ANO3: variants seen among roughly 807,000 people sequenced by gnomAD.
ANO3 encodes anoctamin-3.
ANO3 carries 99 observed loss-of-function variants against 144.8 expected under a neutral mutation model. That is an observed-to-expected ratio of 0.68 (90% CI 0.58 to 0.81). The LOEUF is 0.81. Among genes scored for constraint, ANO3 ranks in the 30% least tolerant of loss-of-function variants. The pLI, the probability that ANO3 is intolerant of heterozygous loss-of-function variation, is 0.00. For missense variants in ANO3, 905 were observed against 1,202.2 expected, an observed-to-expected ratio of 0.75 and a Z score of 3.66; for synonymous variants, 414 against 392.6, an observed-to-expected ratio of 1.05 and a Z score of -0.64.
At chr11:26,234,015 G>A (rs1852461067) in intron 1 of ANO3, among the ~76,000 whole-genome samples, 2 of 152,196 alleles carry the variant, frequency 1.3e-5, no homozygotes, top group South Asian at 4.1e-4. Flanking sequence ...AAACCTAGAT[G>A]ACAGGTTGAT....
At chr11:26,224,807 G>A (rs1373025261) in intron 1 of ANO3, among the ~76,000 whole-genome samples, 1 of 152,180 alleles carries the variant, frequency 6.6e-6, no homozygotes, top group Non-Finnish European at 1.5e-5. Flanking sequence ...CTTCAGCAAT[G>A]TATGCTGGGC....
chr11:26,235,594 CTT>C (rs55765741), intron 1 of ANO3, among the ~76,000 whole-genome samples: 267 of 139,720 alleles, frequency 1.9e-3, no homozygotes, highest in African/African-American at 6.3e-3. Context: ...ACAATGTATA[CTT>C]TTTTTTTTTT....
intron 1 of ANO3, among the ~76,000 whole-genome samples, chr11:26,263,869 A>T (rs1345592182): frequency 6.6e-6 from 1 of 152,234 alleles, no homozygotes; most frequent in East Asian, 1.9e-4. Flanking sequence ...GGTTCCTATA[A>T]AGACTAATAT....
At chr11:26,284,970 G>T (rs934316273) in intron 1 of ANO3, among the ~76,000 whole-genome samples, 1 of 152,142 alleles carries the variant, frequency 6.6e-6, no homozygotes, top group Non-Finnish European at 1.5e-5. Context: ...GTGGATATTT[G>T]GCATAGGTGA....
intron 1 of ANO3, among the ~76,000 whole-genome samples, chr11:26,432,358 C>A (rs1312628009): frequency 6.6e-6 from 1 of 152,124 alleles, no homozygotes; most frequent in South Asian, 2.1e-4. Context: ...CCTATGTAGG[C>A]TGTCTGTTTA....
In ANO3 at chr11:26,512,229, C is replaced by A. The variant is rs183956344; in HGVS notation, c.591+3967C>A. Reference sequence around the variant, plus strand: ...CTTTCCACCCTGTGCTAACAATTTGCAGAGTGACTTTGTAAAAACGTAATT... The same window carrying A: ...CTTTCCACCCTGTGCTAACAATTTGAAGAGTGACTTTGTAAAAACGTAATT... On this transcript the variant is annotated intron_variant, in intron 5 of 26. Transcript: ENST00000256737. 5.1e-3 allele frequency among the ~76,000 whole-genome samples: 783 copies of A among 152,272 alleles called. 1 individual carries two copies. Among genetic ancestry groups the A allele is most frequent in the Middle Eastern group, 0.014 (4 of 294 alleles).
chr11:26,455,622 A>T (rs1291419892), intron 3 of ANO3, among the ~76,000 whole-genome samples: 1 of 152,222 alleles, frequency 6.6e-6, no homozygotes, highest in Non-Finnish European at 1.5e-5. Context: ...AGGAAGAATC[A>T]ATATTGTGAA....
intron 4 of ANO3, among the ~76,000 whole-genome samples, chr11:26,472,979 A>C (rs1278071474): frequency 6.6e-6 from 1 of 151,954 alleles, no homozygotes; most frequent in Non-Finnish European, 1.5e-5. Flanking sequence ...GACTTCTTGC[A>C]TGATGCAAAC....
At chr11:26,460,422 G>A (rs1299112124) in intron 3 of ANO3, among the ~76,000 whole-genome samples, 2 of 45,546 alleles carry the variant, frequency 4.4e-5, no homozygotes, top group Non-Finnish European at 5.6e-5. Context: ...AGAAGAAAGG[G>A]GGGGGGGCGG....
intron 3 of ANO3, among the ~76,000 whole-genome samples, chr11:26,449,728 A>C (rs746648677): frequency 6.7e-6 from 1 of 148,650 alleles, no homozygotes; most frequent in Non-Finnish European, 1.5e-5. Context: ...CTTAAAACAA[A>C]ACTCTTCTTA....
intron 18 of ANO3, among the ~76,000 whole-genome samples, chr11:26,626,763 T>C (rs1852598755): frequency 6.7e-6 from 1 of 149,742 alleles, no homozygotes; most frequent in African/African-American, 2.5e-5. Context: ...CATTCGGATG[T>C]TTCTTATCAT....
chr11:26,217,786 T>C lies in ANO3; in HGVS notation c.154+28456T>C, dbSNP rs149604526. Among the ~76,000 whole-genome samples, 125 of 152,154 alleles carry C rather than the reference T, an allele frequency of 8.2e-4. 1 individual carries two copies. The highest frequency in any genetic ancestry group is 2.9e-3 in the African/African-American group (122 of 41,536). On this transcript the variant is annotated intron_variant, in intron 1 of 27. Coordinates refer to the ANO3 transcript ENST00000672621. ...AATTTAAACATTTTAAATTTAAACA[T>C]GTTAAATTTAAAATGTTTTAAATTA...
At chr11:26,437,131 A>G (rs1371387006) in intron 1 of ANO3, among the ~76,000 whole-genome samples, 1 of 152,170 alleles carries the variant, frequency 6.6e-6, no homozygotes, top group Non-Finnish European at 1.5e-5. Flanking sequence ...GTGCTGTGAA[A>G]GAAGGGCCTG....
At chr11:26,604,966 G>C (rs4922762) in intron 17 of ANO3, among the ~76,000 whole-genome samples, 1 of 152,092 alleles carries the variant, frequency 6.6e-6, no homozygotes, top group African/African-American at 2.4e-5. Context: ...AATAGGAGTG[G>C]TGAGAGAGGG....
At chr11:26,467,170 T>C (rs1859629022) in intron 4 of ANO3, among the ~76,000 whole-genome samples, 1 of 151,960 alleles carries the variant, frequency 6.6e-6, no homozygotes, top group African/African-American at 2.4e-5. Context: ...TTTTTCTGGG[T>C]ACAGAGTAAA....
intron 5 of ANO3, among the ~76,000 whole-genome samples, chr11:26,512,023 G>T (rs1201961223): frequency 6.6e-6 from 1 of 152,132 alleles, no homozygotes; most frequent in Non-Finnish European, 1.5e-5. Context: ...ATAATTTTAA[G>T]CAGGTTAGTA....
At chr11:26,338,549 C>T (rs895838528) in intron 1 of ANO3, among the ~76,000 whole-genome samples, 1 of 152,162 alleles carries the variant, frequency 6.6e-6, no homozygotes, top group Non-Finnish European at 1.5e-5. Context: ...CTGGGGTCCC[C>T]TTCCATGGTG....
At chr11:26,332,362 T>A (rs772408350) in intron 1 of ANO3, 41 bp downstream of exon 1, 3 of 1,601,208 alleles carry the variant, frequency 1.9e-6, no homozygotes, top group African/African-American at 1.3e-5. Flanking sequence ...CGGGCGTCAC[T>A]TCCCCCCTGC....
intron 1 of ANO3, among the ~76,000 whole-genome samples, chr11:26,336,905 G>T (rs891493213): frequency 6.6e-6 from 1 of 152,098 alleles, no homozygotes; most frequent in African/African-American, 2.4e-5. Flanking sequence ...AAATCACTGG[G>T]GGAGATATTT....
Sources: gnomAD v4.1 joint callset for allele counts (sites outside exome capture counted in the v4.1 genomes callset) on GRCh38, gnomAD v4.1.1 for gene constraint, MANE v1.5 for transcripts, NCBI Gene and HGNC (gene_info 2026-07-23, HGNC 2026-07-21) for gene names.